Variants in KIF11 observed in about 807,000 individuals in gnomAD.
KIF11 encodes kinesin-like protein KIF11.
A neutral mutation model predicts 121.0 loss-of-function variants in KIF11; 9 were observed. That is an observed-to-expected ratio of 0.07 (90% CI 0.04 to 0.13). The LOEUF is 0.13. Among genes scored for constraint, KIF11 ranks in the 10% least tolerant of loss-of-function variants. The pLI is 1.00. For synonymous variants in KIF11, 408 were observed against 421.0 expected, an observed-to-expected ratio of 0.97 and a Z score of 0.38; for missense variants, 846 against 1,217.5, an observed-to-expected ratio of 0.69 and a Z score of 4.54.
At chr10:92,651,514 T>TG (rs1564719283) in intron 21 of KIF11, among the ~76,000 whole-genome samples, 32 of 44,348 alleles carry the variant, frequency 7.2e-4, no homozygotes, top group Non-Finnish European at 1.1e-3. Context: ...TTTGTTTTTT[T>TG]TTTTTTTTTT....
chr10:92,600,133 T>C (rs1173222154), intron 1 of KIF11, among the ~76,000 whole-genome samples: 1 of 151,274 alleles, frequency 6.6e-6, no homozygotes, highest in Non-Finnish European at 1.5e-5. Flanking sequence ...GCCTCCGGAG[T>C]AGCTGGGATT....
chr10:92,603,422 G>A (rs1169350568), intron 1 of KIF11, among the ~76,000 whole-genome samples: 3 of 149,956 alleles, frequency 2.0e-5, no homozygotes, highest in Non-Finnish European at 4.4e-5. Flanking sequence ...TTTTTTTTGA[G>A]ATGGAGTCTC....
rs913520373 is a variant in KIF11, at chr10:92,653,992, T to C, written c.*196T>C. The C allele has an allele frequency of 2.6e-6, 1 of 388,466 alleles. No homozygotes were observed. Among genetic ancestry groups the C allele is most frequent in the Non-Finnish European group, 4.7e-6 (1 of 212,022 alleles). 24.1% of individuals were successfully genotyped at this position (388,466 alleles called of 1,614,324 possible). On this transcript the variant is annotated 3_prime_UTR_variant, in exon 22 of 22. Transcript: ENST00000260731. ...TGAGCCCAGGAGTTTGAGACCAGCCTGGCCAACGTGGCAAAACCTCGTCTC... is the reference window on the plus strand; with the variant it reads ...TGAGCCCAGGAGTTTGAGACCAGCCCGGCCAACGTGGCAAAACCTCGTCTC...
rs1257417128 is a variant in KIF11, at chr10:92,653,903, G to C, written c.*107G>C. The C allele has an allele frequency of 3.0e-6, 3 of 994,302 alleles. No individual in the cohort carries two copies. Among genetic ancestry groups the C allele is most frequent in the Non-Finnish European group, 4.3e-6 (3 of 692,698 alleles). The allele number at this position is 994,302 out of a possible 1,614,324, so 61.6% of individuals were successfully genotyped here. On this transcript the variant is annotated 3_prime_UTR_variant, in exon 22 of 22. Transcript: ENST00000260731. Reference sequence around the variant, plus strand: ...AGATTTTAAAAGAATATATATATCAGCCGGGCGCGGTGGCTCATGCCTGTA... The same window carrying C: ...AGATTTTAAAAGAATATATATATCACCCGGGCGCGGTGGCTCATGCCTGTA...
Position 92,639,880 on chromosome 10 carries a change from T to C in KIF11, c.2247T>C (p.Ser749=), listed in dbSNP as rs1254607308. The change falls in exon 17 of 22, where the codon AGT becomes AGC. Residue 749 remains serine, a synonymous_variant. Coordinates refer to ENST00000260731, the MANE Select transcript of KIF11 (RefSeq NM_004523.4). The part of the protein sequence containing the change: ...KCENIQKPLS[S]VQENIQQKSK... ...AAAATATACAGAAACCACTTAGTAG[T>C]GTCCAGGAAAATATACAGCAGTAAG... 6.3e-7 allele frequency: 1 copy of C among 1,592,518 alleles called. No homozygotes were observed. The highest frequency in any genetic ancestry group is 2.2e-5 in the East Asian group (1 of 44,564).
At chr10:92,644,440 C>G (rs1844898574) in intron 17 of KIF11, among the ~76,000 whole-genome samples, 1 of 152,082 alleles carries the variant, frequency 6.6e-6, no homozygotes, top group South Asian at 2.1e-4. Context: ...CTCACTCTCT[C>G]CCAAGTAGCT....
rs1421439493 is a variant in KIF11, at chr10:92,651,416, A to G, written c.3039+899A>G. Among the ~76,000 whole-genome samples, 6 of 138,788 alleles carry G rather than the reference A, an allele frequency of 4.3e-5. No individual in the cohort carries two copies. The East Asian group carries it at 8.6e-4, about 20-fold the overall frequency. The allele number at this position is 138,788 out of a possible 152,430, so 91.1% of individuals were successfully genotyped here. A position where few individuals can be genotyped will look rare whatever the true frequency, so the allele number is the denominator to read the frequency against. On this transcript the variant is annotated intron_variant, in intron 21 of 21. Transcript: ENST00000260731. ...AATGGCACGATCTTGGCTCACCGCA[A>G]CTTCCACCTCCTGGGTTCAAGTGAT...
At chr10:92,629,620 T>A (rs916054878) in intron 11 of KIF11, among the ~76,000 whole-genome samples, 2 of 149,736 alleles carry the variant, frequency 1.3e-5, no homozygotes, top group African/African-American at 2.5e-5. Context: ...TATTTATTTT[T>A]AATTATTTTT....
At chr10:92,649,200 G>A (rs1844954470) in intron 19 of KIF11, among the ~76,000 whole-genome samples, 1 of 151,792 alleles carries the variant, frequency 6.6e-6, no homozygotes, top group African/African-American at 2.4e-5. Flanking sequence ...TTCCCCAAGA[G>A]ACCTGTAGGA....
intron 4 of KIF11, 129 bp from the exon 5 acceptor site, chr10:92,608,891 C>CT (rs200628191): frequency 2.6e-4 from 140 of 539,784 alleles, no homozygotes; most frequent in African/African-American, 1.1e-3. Context: ...TTAGTTGTTT[C>CT]TTTTTTTGTT....
chr10:92,633,537 C>A, intron 13 of KIF11, 86 bp from the exon 14 acceptor site: 1 of 941,836 alleles, frequency 1.1e-6, no homozygotes, highest in Non-Finnish European at 1.6e-6. Flanking sequence ...CAAGGGTATA[C>A]TTTTGTCAAC....
intron 17 of KIF11, among the ~76,000 whole-genome samples, chr10:92,643,100 T>A (rs995933223): frequency 1.3e-5 from 2 of 151,980 alleles, no homozygotes; most frequent in Non-Finnish European, 2.9e-5. Context: ...TTACTAGAGA[T>A]GGGGTTTCAC....
intron 6 of KIF11, among the ~76,000 whole-genome samples, chr10:92,610,300 T>C (rs1174103621): frequency 6.6e-6 from 1 of 152,212 alleles, no homozygotes; most frequent in Non-Finnish European, 1.5e-5. Flanking sequence ...AGATGGTCAC[T>C]AACACTGGCT....
Position 92,637,214 on chromosome 10 carries a change from C to T in KIF11, c.1906C>T (p.Leu636=). The T allele has an allele frequency of 6.3e-7, 1 of 1,585,866 alleles. No individual in the cohort carries two copies. The highest frequency in any genetic ancestry group is 8.5e-7 in the Non-Finnish European group (1 of 1,173,192). The change falls in exon 15 of 22, where the codon CTG becomes TTG. Residue 636 remains leucine, a synonymous_variant. Coordinates refer to ENST00000260731, the MANE Select transcript of KIF11 (RefSeq NM_004523.4). Reference sequence around the variant, plus strand: ...ACTCAAGACTGATCTTCTAAGTTCACTGGAAATGATTTTATCCCCAACTGT... The same window carrying T: ...ACTCAAGACTGATCTTCTAAGTTCATTGGAAATGATTTTATCCCCAACTGT... ...NVLKTDLLSS[L]EMILSPTVVS...
At chr10:92,602,489 G>A (rs555984049) in intron 1 of KIF11, among the ~76,000 whole-genome samples, 1 of 151,996 alleles carries the variant, frequency 6.6e-6, no homozygotes, top group Non-Finnish European at 1.5e-5. Flanking sequence ...TTTAGTCTTT[G>A]TAAGTATTGT....
At chr10:92,645,950 C>CTTTT (rs33915127) in intron 18 of KIF11, among the ~76,000 whole-genome samples, 2 of 101,740 alleles carry the variant, frequency 2.0e-5, no homozygotes, top group Non-Finnish European at 1.9e-5. Context: ...CTTATATATG[C>CTTTT]TTTTTTTTTT....
chr10:92,623,822 A>G (rs1189162446), intron 10 of KIF11, among the ~76,000 whole-genome samples: 1 of 152,172 alleles, frequency 6.6e-6, no homozygotes, highest in Non-Finnish European at 1.5e-5. Context: ...TTTATTTTTG[A>G]ACTTAAGAAG....
chr10:92,650,649 T>C, intron 21 of KIF11, 132 bp downstream of exon 21: 1 of 613,342 alleles, frequency 1.6e-6, no homozygotes. Flanking sequence ...TTGTTAACGC[T>C]TATGATTTGA....
chr10:92,630,736 C>T (rs955015329), intron 12 of KIF11, among the ~76,000 whole-genome samples: 1 of 151,706 alleles, frequency 6.6e-6, no homozygotes, highest in African/African-American at 2.4e-5. Flanking sequence ...CGTGGTGGCG[C>T]ATGCCTGTAA....
Sources: allele counts gnomAD v4.1 joint callset (sites outside exome capture counted in the v4.1 genomes callset), GRCh38; gene constraint gnomAD v4.1.1; transcripts MANE v1.5; gene names NCBI Gene and HGNC (gene_info 2026-07-23, HGNC 2026-07-21).